SLC9A9: variants seen among roughly 807,000 people sequenced by gnomAD.
SLC9A9 encodes the protein solute carrier family 9 member A9.
In SLC9A9, 62 loss-of-function variants were observed where a neutral mutation model predicts 77.8. The ratio of observed to expected loss-of-function variants is 0.80; its 90% CI spans 0.65 to 0.98. The LOEUF is 0.98. Among genes scored for constraint, SLC9A9 ranks in the 50% least tolerant of loss-of-function variants. The pLI, the probability that SLC9A9 is intolerant of heterozygous loss-of-function variation, is 0.00. For missense variants in SLC9A9, 775 were observed against 774.9 expected, an observed-to-expected ratio of 1.00 and a Z score of 0.00; for synonymous variants, 320 against 283.5, an observed-to-expected ratio of 1.13 and a Z score of -1.29.
At chr3:143,814,804 A>C (rs900765019) in intron 2 of SLC9A9, among the ~76,000 whole-genome samples, 1 of 152,046 alleles carries the variant, frequency 6.6e-6, no homozygotes, top group Non-Finnish European at 1.5e-5. Flanking sequence ...GAGTTTAAGG[A>C]CCAAGGGGAA....
rs144964057 is a variant in SLC9A9 at position 143,628,304 on chromosome 3, A to C, written c.755+23951T>G. Among the ~76,000 whole-genome samples, 90 of 152,316 alleles carry C rather than the reference A, an allele frequency of 5.9e-4. 1 individual carries two copies. Among genetic ancestry groups the C allele is most frequent in the Non-Finnish European group, 1.2e-3 (80 of 68,030 alleles). On this transcript the variant is annotated intron_variant, in intron 6 of 15. Coordinates refer to ENST00000316549, the MANE Select transcript of SLC9A9 (RefSeq NM_173653.4). ...TAAGTTGAAGATGCATTTAATATAC[A>C]CCTAACCAATGGAACATCATGGCCT...
chr3:143,725,732 G>C (rs1934633030), intron 4 of SLC9A9, among the ~76,000 whole-genome samples: 1 of 131,296 alleles, frequency 7.6e-6, no homozygotes, highest in Non-Finnish European at 1.6e-5. Flanking sequence ...TCTGGGGACT[G>C]TTGTGGGGTG....
intron 12 of SLC9A9, among the ~76,000 whole-genome samples, chr3:143,445,079 C>T (rs995058207): frequency 1.3e-5 from 2 of 152,160 alleles, no homozygotes; most frequent in African/African-American, 4.8e-5. Context: ...AGTAAGCCAC[C>T]TCCACAGAGG....
intron 2 of SLC9A9, among the ~76,000 whole-genome samples, chr3:143,818,086 A>G (rs574479703): frequency 6.6e-6 from 1 of 152,352 alleles, no homozygotes; most frequent in African/African-American, 2.4e-5. Flanking sequence ...GTGGTTGCAT[A>G]ATATTGTGGG....
chr3:143,367,273 T>C (rs1422232489), intron 13 of SLC9A9, among the ~76,000 whole-genome samples: 1 of 152,200 alleles, frequency 6.6e-6, no homozygotes, highest in African/African-American at 2.4e-5. Flanking sequence ...TGTGGGTGAC[T>C]GGAGATGTTA....
intron 4 of SLC9A9, among the ~76,000 whole-genome samples, chr3:143,756,852 G>C (rs1576705237): frequency 1.3e-5 from 2 of 152,296 alleles, no homozygotes; most frequent in East Asian, 3.9e-4. Flanking sequence ...GAATCTAACT[G>C]AAGTGACAAA....
At chr3:143,695,946 T>C (rs2108784851) in intron 4 of SLC9A9, among the ~76,000 whole-genome samples, 1 of 152,336 alleles carries the variant, frequency 6.6e-6, no homozygotes, top group African/African-American at 2.4e-5. Flanking sequence ...GCTGCATAAA[T>C]GTCTTCTTTT....
At chr3:143,311,925 A>T (rs1251050866) in intron 14 of SLC9A9, among the ~76,000 whole-genome samples, 1 of 152,208 alleles carries the variant, frequency 6.6e-6, no homozygotes, top group Non-Finnish European at 1.5e-5. Flanking sequence ...AAAATCCATT[A>T]CACTTCCCTA....
chr3:143,408,090 CTCTTA>C (rs1164888341), intron 12 of SLC9A9, among the ~76,000 whole-genome samples: 5 of 152,168 alleles, frequency 3.3e-5, no homozygotes, highest in African/African-American at 9.7e-5. Flanking sequence ...AGACAGCACT[CTCTTA>C]TAAGGACACT....
At chr3:143,330,714 C>T (rs1227032496) in intron 14 of SLC9A9, among the ~76,000 whole-genome samples, 1 of 152,214 alleles carries the variant, frequency 6.6e-6, no homozygotes, top group African/African-American at 2.4e-5. Context: ...GGTGAATTAA[C>T]TATCCCTTTG....
intron 6 of SLC9A9, among the ~76,000 whole-genome samples, chr3:143,593,045 G>C (rs945316766): frequency 2.0e-5 from 3 of 152,120 alleles, no homozygotes; most frequent in African/African-American, 4.8e-5. Flanking sequence ...CTTTGTCTAA[G>C]ATGGGTTAAA....
chr3:143,293,371 A>C (rs2030104933), intron 14 of SLC9A9, among the ~76,000 whole-genome samples: 1 of 152,194 alleles, frequency 6.6e-6, no homozygotes, highest in African/African-American at 2.4e-5. Context: ...GCCAAAAATC[A>C]ATATTGTGTA....
In SLC9A9 at chr3:143,266,241, C is replaced by G. The variant is rs1937708792; in HGVS notation, c.*461G>C. The stretch of plus-strand genomic sequence containing the variant: ...CAAGTCCTCAAAATAAGAAACTTAT[C>G]ACTTACTAAATAGCTGGGCATTCCC... On this transcript the variant is annotated 3_prime_UTR_variant, in exon 16 of 16. Transcript: ENST00000316549. The G allele has an allele frequency of 4.8e-6, 3 of 624,442 alleles. No individual in the cohort carries two copies. The South Asian group carries it at 5.7e-5, about 12-fold the overall frequency. 38.7% of individuals were successfully genotyped at this position (624,442 alleles called of 1,614,324 possible).
chr3:143,475,635 A>C (rs1481543252), intron 11 of SLC9A9, among the ~76,000 whole-genome samples: 1 of 152,006 alleles, frequency 6.6e-6, no homozygotes, highest in Non-Finnish European at 1.5e-5. Context: ...TACTACAAGT[A>C]CAAAAAATTA....
At chr3:143,440,144 C>T (rs1242005658) in intron 12 of SLC9A9, among the ~76,000 whole-genome samples, 1 of 152,186 alleles carries the variant, frequency 6.6e-6, no homozygotes, top group Non-Finnish European at 1.5e-5. Flanking sequence ...CATATGCTGA[C>T]GGTGGCTGAG....
intron 13 of SLC9A9, among the ~76,000 whole-genome samples, chr3:143,369,251 G>T (rs1386078299): frequency 6.6e-6 from 1 of 152,182 alleles, no homozygotes; most frequent in African/African-American, 2.4e-5. Context: ...TGGTCTTAAA[G>T]TGTATATCTA....
chr3:143,657,223 C>T (rs1194208536), intron 5 of SLC9A9, among the ~76,000 whole-genome samples: 3 of 152,298 alleles, frequency 2.0e-5, no homozygotes, highest in East Asian at 1.9e-4. Context: ...GCCAGATCTA[C>T]AAAGCTAATG....
intron 6 of SLC9A9, among the ~76,000 whole-genome samples, chr3:143,593,751 T>C (rs1330833509): frequency 6.6e-6 from 1 of 152,214 alleles, no homozygotes; most frequent in East Asian, 1.9e-4. Flanking sequence ...CCTTATCACT[T>C]AATGCTAATG....
chr3:143,708,831 G>T (rs1576673786), intron 4 of SLC9A9, among the ~76,000 whole-genome samples: 1 of 152,304 alleles, frequency 6.6e-6, no homozygotes, highest in East Asian at 1.9e-4. Context: ...TGTCCTCCAG[G>T]ACTCACAGCT....
Sources: allele counts gnomAD v4.1 joint callset (sites outside exome capture counted in the v4.1 genomes callset), GRCh38; gene constraint gnomAD v4.1.1; transcripts MANE v1.5; gene names NCBI Gene and HGNC (gene_info 2026-07-23, HGNC 2026-07-21).